Variants in ZNF676 observed in about 807,000 individuals in gnomAD.
ZNF676 encodes the protein zinc finger protein 676.
In ZNF676, 4 loss-of-function variants were observed where a neutral mutation model predicts 6.0. That is an observed-to-expected ratio of 0.67 (90% confidence interval 0.33 to 1.53). The LOEUF (loss-of-function observed/expected upper bound fraction) is 1.53. ZNF676 is among the 40% of genes most tolerant of loss of function. The pLI, the probability that ZNF676 is intolerant of heterozygous loss-of-function variation, is 0.06. For synonymous variants in ZNF676, 198 were observed against 223.1 expected (o/e 0.89, Z 1.00); for missense variants, 644 against 679.7 (o/e 0.95, Z 0.58).
At chr19:22,209,426 GTTA>G (rs1201240561) in intron 1 of ZNF676, among the ~76,000 whole-genome samples, 7 of 151,700 alleles carry the variant, frequency 4.6e-5, no homozygotes, top group Admixed American at 4.6e-4. Flanking sequence ...CCAAATGCAT[GTTA>G]TTATTTATAA....
the ZNF676 span, among the ~76,000 whole-genome samples, chr19:22,224,251 A>C: frequency 6.7e-6 from 1 of 149,708 alleles, no homozygotes; most frequent in African/African-American, 2.5e-5. Flanking sequence ...TGTGCTTTTT[A>C]GCGTCAGTTT....
At chr19:22,241,758 C>G in the ZNF676 span, among the ~76,000 whole-genome samples, 1 of 151,996 alleles carries the variant, frequency 6.6e-6, no homozygotes, top group East Asian at 1.9e-4. Flanking sequence ...AATTGACCTG[C>G]TCCGGAGAGG....
chr19:22,213,734 C>T (rs1457017721), intron 1 of ZNF676, among the ~76,000 whole-genome samples: 1 of 152,136 alleles, frequency 6.6e-6, no homozygotes, highest in Non-Finnish European at 1.5e-5. Flanking sequence ...AGAGGCTACA[C>T]TCCATATCTC....
upstream of ZNF676, among the ~76,000 whole-genome samples, chr19:22,220,591 G>A (rs2024238667): frequency 6.6e-6 from 1 of 151,906 alleles, no homozygotes; most frequent in African/African-American, 2.4e-5. Context: ...CAAGTAGCTG[G>A]GATTACAGGC....
the ZNF676 span, among the ~76,000 whole-genome samples, chr19:22,258,171 G>GA: frequency 6.6e-6 from 1 of 152,050 alleles, no homozygotes; most frequent in African/African-American, 2.4e-5. Context: ...CCAGGCAAAA[G>GA]AAAAAAGTCA....
chr19:22,181,300 T>C lies in ZNF676; in HGVS notation c.417A>G (p.Lys139=), dbSNP rs763163054. The C allele has an allele frequency of 9.3e-6, 15 of 1,613,692 alleles. No individual in the cohort carries two copies. The East Asian group carries it at 3.3e-4, about 36-fold the overall frequency. ...TGACATATTCTTTACATTTCAAACC[T>C]TTCTCTCCAGTATGCCTTATCTTAT... The part of the protein sequence containing the change: ...NRHKIRHTGE[K]GLKCKEYVRS... The change falls in exon 3 of 3, where the codon AAA becomes AAG. Residue 139 remains lysine (K), a synonymous_variant. Coordinates refer to ENST00000397121, the MANE Select transcript of ZNF676 (RefSeq NM_001001411.3).
At chr19:22,224,010 T>C in the ZNF676 span, among the ~76,000 whole-genome samples, 1 of 151,888 alleles carries the variant, frequency 6.6e-6, no homozygotes, top group East Asian at 1.9e-4. Flanking sequence ...AGTGCTTATT[T>C]ATTAAAAGCT....
the ZNF676 span, among the ~76,000 whole-genome samples, chr19:22,238,644 C>A: frequency 6.6e-6 from 1 of 152,116 alleles, no homozygotes; most frequent in Non-Finnish European, 1.5e-5. Flanking sequence ...AGGGACAGAA[C>A]TAATGGTGTG....
At chr19:22,208,565 T>C (rs910816709) in intron 1 of ZNF676, among the ~76,000 whole-genome samples, 1 of 152,190 alleles carries the variant, frequency 6.6e-6, no homozygotes, top group African/African-American at 2.4e-5. Flanking sequence ...TAAAGACACA[T>C]GCACAATCAC....
chr19:22,235,324 G>A, the ZNF676 span, among the ~76,000 whole-genome samples: 1 of 152,168 alleles, frequency 6.6e-6, no homozygotes, highest in Non-Finnish European at 1.5e-5. Context: ...TGGACCTGTT[G>A]CAGAGCCTTC....
At position 22,181,402 on chromosome 19, in the gene ZNF676, T is replaced by C. The variant is rs756226184; in HGVS notation, c.315A>G (p.Leu105=). The change falls in exon 3 of 3, where the codon TTA becomes TTG. Residue 105 remains leucine, a synonymous_variant. Coordinates refer to ENST00000397121, the MANE Select transcript of ZNF676 (RefSeq NM_001001411.3). ...GAAATACTTTGCTCTGTGTAGTTGT[T>C]AAACTCTGGTTAAGTTTATTATAAC... ...KEGYNKLNQS[L]TTTQSKVFQC... is the part of the protein sequence containing the mutation. The C allele has an allele frequency of 1.1e-5, 17 of 1,613,704 alleles. No homozygotes were observed. The South Asian group carries it at 1.2e-4, about 11-fold the overall frequency.
chr19:22,215,390 G>A (rs1455387547), intron 1 of ZNF676, among the ~76,000 whole-genome samples: 1 of 152,178 alleles, frequency 6.6e-6, no homozygotes, highest in Non-Finnish European at 1.5e-5. Flanking sequence ...ACTCCGCGCT[G>A]AGGGTGCAGA....
intron 1 of ZNF676, chr19:22,203,699 A>G (rs1398143599): frequency 6.6e-6 from 1 of 152,056 alleles, no homozygotes; most frequent in East Asian, 1.9e-4. Context: ...GGCTCAAGCG[A>G]TTCTCCTGTC....
the ZNF676 span, among the ~76,000 whole-genome samples, chr19:22,227,221 C>G: frequency 6.6e-6 from 1 of 152,140 alleles, no homozygotes; most frequent in Non-Finnish European, 1.5e-5. Flanking sequence ...CAAAACCACT[C>G]AACTACATGG....
the ZNF676 span, among the ~76,000 whole-genome samples, chr19:22,241,819 T>G: frequency 3.3e-5 from 5 of 152,000 alleles, no homozygotes; most frequent in South Asian, 4.1e-4. Flanking sequence ...CACCATCTCA[T>G]TTGTGGTCAG....
At chr19:22,247,478 C>T in the ZNF676 span, among the ~76,000 whole-genome samples, 1 of 150,710 alleles carries the variant, frequency 6.6e-6, no homozygotes, top group African/African-American at 2.4e-5. Context: ...GTGGGAGAAT[C>T]ACTTGAACAC....
chr19:22,242,559 A>G, the ZNF676 span, among the ~76,000 whole-genome samples: 2 of 151,978 alleles, frequency 1.3e-5, no homozygotes, highest in Admixed American at 6.5e-5. Flanking sequence ...AATGTATGCA[A>G]GGCCCAAGCA....
At chr19:22,206,878 C>T (rs533918036) in intron 1 of ZNF676, among the ~76,000 whole-genome samples, 109 of 152,132 alleles carry the variant, frequency 7.2e-4, no homozygotes, top group Admixed American at 1.3e-3. Context: ...CACAAAAAGC[C>T]TTCAATAAAA....
upstream of ZNF676, among the ~76,000 whole-genome samples, chr19:22,216,491 G>T (rs1171449418): frequency 6.6e-6 from 1 of 151,992 alleles, no homozygotes; most frequent in African/African-American, 2.4e-5. Flanking sequence ...CAACAAAAAA[G>T]CTAAACCTAA....
Sources: gnomAD v4.1 joint callset for allele counts (sites outside exome capture counted in the v4.1 genomes callset) on GRCh38, gnomAD v4.1.1 for gene constraint, MANE v1.5 for transcripts, NCBI Gene and HGNC (gene_info 2026-07-23, HGNC 2026-07-21) for gene names.